Variants in BRD8 observed in about 807,000 individuals in gnomAD.
BRD8 encodes the protein bromodomain-containing protein 8.
BRD8 carries 67 observed loss-of-function variants against 143.1 expected under a neutral mutation model. The observed-to-expected ratio is 0.47, with a 90% CI of 0.38 to 0.57. The LOEUF (loss-of-function observed/expected upper bound fraction) is 0.57. Ranked by LOEUF, BRD8 falls within the 20% of genes least tolerant of loss-of-function variation. The probability of loss-of-function intolerance (pLI) is 0.00; values close to 1 mark genes in which losing one functional copy is unlikely to be tolerated. For missense variants in BRD8, 1,103 were observed against 1,503.0 expected, an observed-to-expected ratio of 0.73 and a Z score of 4.40; for synonymous variants, 505 against 517.1, an observed-to-expected ratio of 0.98 and a Z score of 0.32.
At chr5:138,150,652 A>G (rs1044626294) in intron 22 of BRD8, 93 bp downstream of exon 22, 12 of 1,395,500 alleles carry the variant, frequency 8.6e-6, no homozygotes, top group Non-Finnish European at 1.2e-5. Context: ...AGGTAGTTTA[A>G]CTTTCTGGAG....
chr5:138,165,236 C>T, intron 11 of BRD8, 70 bp from the exon 12 acceptor site: 2 of 1,483,750 alleles, frequency 1.3e-6, no homozygotes, highest in Non-Finnish European at 9.1e-7. Flanking sequence ...TTGTTAGCAC[C>T]AAATGTGATG....
At chr5:138,147,370 T>C (rs755883283) in intron 23 of BRD8, among the ~76,000 whole-genome samples, 13 of 150,748 alleles carry the variant, frequency 8.6e-5, no homozygotes, top group Non-Finnish European at 1.5e-4. Flanking sequence ...AAAAAAACAC[T>C]AGAATAATTA....
chr5:138,145,217 A>T lies in BRD8; in HGVS notation c.3397T>A (p.Ser1133Thr). The T allele has an allele frequency of 6.2e-7, 1 of 1,614,046 alleles. No individual in the cohort carries two copies. Among genetic ancestry groups the T allele is most frequent in the Non-Finnish European group, 8.5e-7 (1 of 1,179,984 alleles). The change falls in exon 25 of 27, where the codon TCA becomes ACA. Residue 1133 changes from serine (S) to threonine (T), a missense_variant. By Grantham distance (58) the Ser-to-Thr change is moderately conservative. Transcript: ENST00000254900. ...RFSSPFLKPV[S>T]ERQAPGYKDV... ...TTGTACCCTGGGGCCTGCCTTTCTG[A>T]CACAGGCTTCAGAAATGGACTGCTG...
At chr5:138,154,474 G>T (rs1430444612) in intron 20 of BRD8, among the ~76,000 whole-genome samples, 1 of 152,136 alleles carries the variant, frequency 6.6e-6, no homozygotes, top group Non-Finnish European at 1.5e-5. Context: ...GCTTGTGTTT[G>T]TATCTCATGC....
intron 19 of BRD8, 137 bp from the exon 20 acceptor site, chr5:138,159,736 T>A: frequency 7.5e-6 from 6 of 794,758 alleles, no homozygotes; most frequent in Non-Finnish European, 1.3e-5. Context: ...AGGAAAGAGA[T>A]CCAAAAGCAA....
In BRD8 at chr5:138,140,747, A is replaced by G; in HGVS notation, c.3573T>C (p.His1191=). 1 of 1,614,160 alleles carries G rather than the reference A, an allele frequency of 6.2e-7. No individual in the cohort carries two copies. Among genetic ancestry groups the G allele is most frequent in the Non-Finnish European group, 8.5e-7 (1 of 1,180,014 alleles). ...MYNDSDHHVY[H]MAVEMRQEVL... is the part of the protein sequence containing the mutation. Reference sequence around the variant, plus strand: ...CTTCTTGCCGCATCTCCACAGCCATATGGTATACATGATGATCAGAGTCAT... The same window carrying G: ...CTTCTTGCCGCATCTCCACAGCCATGTGGTATACATGATGATCAGAGTCAT... Residue 1191 remains histidine (H), a synonymous_variant, in exon 26 of 27, where the codon CAT becomes CAC. Coordinates refer to ENST00000254900, the MANE Select transcript of BRD8 (RefSeq NM_139199.2).
At chr5:138,163,458 T>A in intron 14 of BRD8, 114 bp from the exon 15 acceptor site, 1 of 1,383,082 alleles carries the variant, frequency 7.2e-7, no homozygotes, top group East Asian at 2.4e-5. Context: ...CCTCACGCTG[T>A]TTCCTGACTC....
In BRD8 at chr5:138,166,549, C is replaced by T. The variant is rs1317320449; in HGVS notation, c.966G>A (p.Pro322=). ...MPALPAPSSA[P]AVSTTESVAP... ...CTACACTTTCAGTAGTGGAGACAGC[C>T]GGAGCAGAGGATGGTGCTGGCAGCG... Residue 322 remains proline, a synonymous_variant, in exon 10 of 27, where the codon CCG becomes CCA. Transcript: ENST00000254900. The T allele has an allele frequency of 8.7e-6, 14 of 1,613,346 alleles. No homozygotes were observed. Among genetic ancestry groups the T allele is most frequent in the Middle Eastern group, 1.7e-4 (1 of 6,058 alleles).
At chr5:138,171,274 A>C (rs890386430) in intron 4 of BRD8, 87 bp downstream of exon 4, 3 of 1,411,876 alleles carry the variant, frequency 2.1e-6, no homozygotes, top group African/African-American at 2.9e-5. Flanking sequence ...TTAATCATCC[A>C]GTATCATAAC....
chr5:138,157,065 A>G, intron 20 of BRD8: 1 of 1,525,340 alleles, frequency 6.6e-7, no homozygotes, highest in Non-Finnish European at 8.7e-7. Flanking sequence ...CCAACTCTCT[A>G]AGAGAGATTT....
chr5:138,140,039 C>A lies in BRD8; in HGVS notation c.*35G>T. On this transcript the variant is annotated 3_prime_UTR_variant, in exon 27 of 27. Coordinates refer to ENST00000254900, the MANE Select transcript of BRD8 (RefSeq NM_139199.2). Reference sequence around the variant, plus strand: ...CTAGGTCAGAGTTCCGGGAGAGATTCAAACTCTAGAAAAAGTCAGGATAGC... The same window carrying A: ...CTAGGTCAGAGTTCCGGGAGAGATTAAAACTCTAGAAAAAGTCAGGATAGC... 1 of 1,531,440 alleles carries A rather than the reference C, an allele frequency of 6.5e-7. No homozygotes were observed. The allele number at this position is 1,531,440 out of a possible 1,614,324, so 94.9% of individuals were successfully genotyped here. A position where few individuals can be genotyped will look rare whatever the true frequency, so the allele number is the denominator to read the frequency against.
At chr5:138,140,548 AG>A (rs1751861178) in intron 26 of BRD8, 156 bp downstream of exon 26, 9 of 818,578 alleles carry the variant, frequency 1.1e-5, no homozygotes, top group Non-Finnish European at 1.4e-5. Context: ...ACTGAGGCTC[AG>A]GGTTTTCCAA....
intron 3 of BRD8, 58 bp from the exon 4 acceptor site, chr5:138,171,468 C>T: frequency 1.8e-6 from 2 of 1,128,176 alleles, no homozygotes; most frequent in Admixed American, 1.8e-5. Flanking sequence ...AAGAAATGAC[C>T]TTTCAAAGTT....
intron 2 of BRD8, among the ~76,000 whole-genome samples, chr5:138,176,574 A>G (rs1400901219): frequency 6.6e-6 from 1 of 152,114 alleles, no homozygotes; most frequent in Non-Finnish European, 1.5e-5. Context: ...TCTGTCTCAA[A>G]TTAATTAATT....
intron 25 of BRD8, among the ~76,000 whole-genome samples, chr5:138,142,444 C>T (rs1010435836): frequency 5.9e-5 from 9 of 152,122 alleles, no homozygotes; most frequent in African/African-American, 2.2e-4. Context: ...AGGTTTATGA[C>T]AGCATTTTAG....
Position 138,145,208 on chromosome 5 carries a change from G to C in BRD8, c.3406C>G (p.Gln1136Glu). 1 of 1,613,970 alleles carries C rather than the reference G, an allele frequency of 6.2e-7. No homozygotes were observed. The change falls in exon 25 of 27, where the codon CAG becomes GAG. Residue 1136 changes from glutamine to glutamate, a missense_variant. Around this residue, in one of 7 missense-constraint regions of BRD8, gnomAD observed 369 missense variants for 445.5 expected, o/e 0.83. Coordinates refer to ENST00000254900, the MANE Select transcript of BRD8 (RefSeq NM_139199.2). Reference protein sequence around the residue: ...SPFLKPVSERQAPGYKDVVKR... With the variant: ...SPFLKPVSEREAPGYKDVVKR... The stretch of plus-strand genomic sequence containing the variant: ...ACCACATCCTTGTACCCTGGGGCCT[G>C]CCTTTCTGACACAGGCTTCAGAAAT...
chr5:138,141,002 C>T, intron 25 of BRD8, 120 bp from the exon 26 acceptor site: 1 of 1,019,866 alleles, frequency 9.8e-7, no homozygotes, highest in Non-Finnish European at 1.5e-6. Context: ...AAGATAACAA[C>T]CCTCATCAGA....
chr5:138,145,058 T>C, intron 25 of BRD8, 119 bp downstream of exon 25: 1 of 1,021,084 alleles, frequency 9.8e-7, no homozygotes, highest in East Asian at 2.4e-5. Flanking sequence ...ATAAACTTGT[T>C]TGGCTATGAA....
intron 24 of BRD8, 83 bp from the exon 25 acceptor site, chr5:138,145,328 C>T: frequency 1.6e-6 from 2 of 1,249,776 alleles, no homozygotes; most frequent in Non-Finnish European, 1.1e-6. Flanking sequence ...TCTTAGTAGA[C>T]TTCCTTTAGG....
Sources: allele counts gnomAD v4.1 joint callset (sites outside exome capture counted in the v4.1 genomes callset), GRCh38; gene constraint gnomAD v4.1.1; regional missense constraint gnomAD v4.1.1; transcripts MANE v1.5; gene names NCBI Gene and HGNC (gene_info 2026-07-23, HGNC 2026-07-21).